The following FBXL7 variants were observed in gnomAD, a reference collection of about 807,000 sequenced individuals.
The protein encoded by FBXL7 is F-box/LRR-repeat protein 7.
Under a neutral mutation model 38.3 loss-of-function variants are expected in FBXL7, and 12 were observed. That is an observed-to-expected ratio of 0.31 (90% CI 0.20 to 0.51). FBXL7 has a LOEUF of 0.51. Among genes scored for constraint, FBXL7 ranks in the 20% least tolerant of loss-of-function variants. The pLI is 0.98. For missense variants in FBXL7, 567 were observed against 676.4 expected (o/e 0.84, Z 1.79); for synonymous variants, 297 against 300.9 (o/e 0.99, Z 0.13).
chr5:15,790,055 C>T (rs1004596306), intron 2 of FBXL7, among the ~76,000 whole-genome samples: 5 of 152,146 alleles, frequency 3.3e-5, no homozygotes, highest in Admixed American at 2.6e-4. Flanking sequence ...AAATCATTTC[C>T]ACACTGATGC....
chr5:15,561,543 C>T (rs1738416993), intron 1 of FBXL7, among the ~76,000 whole-genome samples: 1 of 152,132 alleles, frequency 6.6e-6, no homozygotes, highest in Admixed American at 6.6e-5. Context: ...AATATCTTTA[C>T]TACGAGGTGA....
In FBXL7 at chr5:15,937,130, G is replaced by T. The variant is rs1443758402; in HGVS notation, c.1420G>T (p.Val474Phe). 2 of 1,610,968 alleles carry T rather than the reference G, an allele frequency of 1.2e-6. No individual in the cohort carries two copies. The highest frequency in any genetic ancestry group is 1.7e-6 in the Non-Finnish European group (2 of 1,177,990). The change falls in exon 4 of 4, where the codon GTC (valine) becomes TTC (phenylalanine). Residue 474 changes from valine to phenylalanine, a missense_variant. Val to Phe is a conservative substitution (Grantham distance 50). Transcript: ENST00000504595. ...GGTCTCCGTGGAGGCCCTGCGCTTT[G>T]TCAAACGCCACTGCAAGCGCTGCGT... is the stretch of plus-strand genomic sequence containing the variant. ...CEVSVEALRF[V>F]KRHCKRCVIE...
At chr5:15,658,816 G>A (rs116180967) in intron 2 of FBXL7, among the ~76,000 whole-genome samples, 4,947 of 152,250 alleles carry the variant, frequency 0.032, 112 homozygotes, top group Non-Finnish European at 0.051. Flanking sequence ...AAGGAGTTAG[G>A]TCAGGGGTTG....
At chr5:15,746,869 C>G (rs908307949) in intron 2 of FBXL7, among the ~76,000 whole-genome samples, 1 of 151,856 alleles carries the variant, frequency 6.6e-6, no homozygotes, top group Admixed American at 6.6e-5. Flanking sequence ...TAAATACATA[C>G]TAAATACGAG....
intron 2 of FBXL7, among the ~76,000 whole-genome samples, chr5:15,865,644 G>GTC (rs897573051): frequency 2.0e-5 from 3 of 151,308 alleles, no homozygotes; most frequent in South Asian, 2.1e-4. Flanking sequence ...TGGTCTCTGG[G>GTC]TCTCTCTCTC....
intron 2 of FBXL7, among the ~76,000 whole-genome samples, chr5:15,673,184 C>A (rs1321373938): frequency 6.6e-6 from 1 of 151,946 alleles, no homozygotes; most frequent in African/African-American, 2.4e-5. Context: ...GGCCTGGTGG[C>A]GGGCACCTGT....
At chr5:15,587,243 T>G (rs1173033447) in intron 1 of FBXL7, among the ~76,000 whole-genome samples, 1 of 152,202 alleles carries the variant, frequency 6.6e-6, no homozygotes, top group Non-Finnish European at 1.5e-5. Flanking sequence ...ACCTGGCTGA[T>G]GCTAAGATCA....
intron 1 of FBXL7, among the ~76,000 whole-genome samples, chr5:15,601,544 G>A (rs1739792692): frequency 6.6e-6 from 1 of 152,140 alleles, no homozygotes; most frequent in Non-Finnish European, 1.5e-5. Flanking sequence ...GGAAGGGGAA[G>A]CTCTGCCCTG....
chr5:15,519,071 C>T (rs74412617), intron 1 of FBXL7, among the ~76,000 whole-genome samples: 3,392 of 152,144 alleles, frequency 0.022, 54 homozygotes, highest in Middle Eastern at 0.041. Context: ...CAGCAGGGCG[C>T]GGTGGCTCAT....
intron 1 of FBXL7, among the ~76,000 whole-genome samples, chr5:15,552,143 T>C (rs1738093418): frequency 6.6e-6 from 1 of 152,258 alleles, no homozygotes; most frequent in African/African-American, 2.4e-5. Flanking sequence ...TATACTACAC[T>C]ATGCTATACA....
intron 2 of FBXL7, among the ~76,000 whole-genome samples, chr5:15,642,557 C>T (rs1483546605): frequency 6.6e-6 from 1 of 152,144 alleles, no homozygotes; most frequent in Non-Finnish European, 1.5e-5. Context: ...ACACCAAAAC[C>T]CAAACCCCAC....
chr5:15,833,818 G>C (rs191437201), intron 2 of FBXL7, among the ~76,000 whole-genome samples: 195 of 152,300 alleles, frequency 1.3e-3, no homozygotes, highest in Non-Finnish European at 2.1e-3. Context: ...TTTCAGTACT[G>C]TTTAAGAGGA....
intron 1 of FBXL7, among the ~76,000 whole-genome samples, chr5:15,539,195 T>C (rs900229083): frequency 2.0e-5 from 3 of 152,240 alleles, no homozygotes; most frequent in African/African-American, 7.2e-5. Context: ...CATCTCATTA[T>C]GCCCAACAGC....
intron 2 of FBXL7, among the ~76,000 whole-genome samples, chr5:15,639,862 A>G (rs1247537868): frequency 6.6e-6 from 1 of 152,096 alleles, no homozygotes; most frequent in Non-Finnish European, 1.5e-5. Context: ...GGGAACACAG[A>G]CAATGCTGGG....
At chr5:15,728,555 G>T (rs1037227116) in intron 2 of FBXL7, among the ~76,000 whole-genome samples, 17 of 152,232 alleles carry the variant, frequency 1.1e-4, no homozygotes, top group Admixed American at 1.1e-3. Flanking sequence ...ATAGTCTGTG[G>T]AGAAAGCCTG....
chr5:15,760,218 T>C (rs1377379132), intron 2 of FBXL7, among the ~76,000 whole-genome samples: 1 of 152,148 alleles, frequency 6.6e-6, no homozygotes, highest in Non-Finnish European at 1.5e-5. Flanking sequence ...TTTATACCCA[T>C]TGTGCACACC....
At chr5:15,620,433 A>T (rs1740598079) in intron 2 of FBXL7, among the ~76,000 whole-genome samples, 1 of 145,860 alleles carries the variant, frequency 6.9e-6, no homozygotes. Flanking sequence ...TTTTTTAAGT[A>T]GAAACGGGGT....
intron 2 of FBXL7, among the ~76,000 whole-genome samples, chr5:15,724,568 C>T (rs1744289647): frequency 6.6e-6 from 1 of 152,118 alleles, no homozygotes. Flanking sequence ...TTTTAACTGT[C>T]CCAGAATTTC....
rs549320406 is a variant in FBXL7, at chr5:15,789,007, C to T, written c.128-138883C>T. On this transcript the variant is annotated intron_variant, in intron 2 of 3. Coordinates refer to ENST00000504595, the MANE Select transcript of FBXL7 (RefSeq NM_012304.5). ...CTGGGACTACAGGTGCCCGCCACCG[C>T]GCCCAGCTAATTTTTTGTATTTTTA... Among the ~76,000 whole-genome samples the T allele has an allele frequency of 4.5e-4, 68 of 152,062 alleles. No individual in the cohort carries two copies. In the East Asian group the frequency reaches 0.01, roughly 23 times the overall value.
Sources: gnomAD v4.1 joint callset for allele counts (sites outside exome capture counted in the v4.1 genomes callset) on GRCh38, gnomAD v4.1.1 for gene constraint, MANE v1.5 for transcripts, NCBI Gene and HGNC (gene_info 2026-07-23, HGNC 2026-07-21) for gene names.